Variants in CTNNA3 observed in about 807,000 individuals in gnomAD.
CTNNA3 encodes catenin alpha 3.
Under a neutral mutation model 95.7 loss-of-function variants are expected in CTNNA3, and 76 were observed. The observed-to-expected ratio is 0.79, with a 90% confidence interval of 0.66 to 0.96. The LOEUF is 0.96. Ranked by LOEUF, CTNNA3 falls within the 40% of genes least tolerant of loss-of-function variation. The pLI is 0.00. For synonymous variants in CTNNA3, 431 were observed against 374.4 expected (o/e 1.15, Z -1.74); for missense variants, 1,191 against 1,089.8 (o/e 1.09, Z -1.31).
chr10:67,571,838 G>C (rs1841990872), intron 3 of CTNNA3, among the ~76,000 whole-genome samples: 1 of 152,130 alleles, frequency 6.6e-6, no homozygotes, highest in Admixed American at 6.6e-5. Flanking sequence ...CTGAGGATCT[G>C]AATTTCTAAT....
At chr10:66,580,927 T>G (rs1307337007) in intron 10 of CTNNA3, among the ~76,000 whole-genome samples, 1 of 151,730 alleles carries the variant, frequency 6.6e-6, no homozygotes, top group South Asian at 2.1e-4. Context: ...GTCTTCGATG[T>G]CTATTATACC....
intron 7 of CTNNA3, among the ~76,000 whole-genome samples, chr10:66,981,116 C>T (rs1850412320): frequency 6.6e-6 from 1 of 152,098 alleles, no homozygotes; most frequent in Admixed American, 6.6e-5. Context: ...GTTGGTCAGG[C>T]TGGTCTCGAA....
intron 5 of CTNNA3, among the ~76,000 whole-genome samples, chr10:67,276,937 T>A (rs1043566148): frequency 2.0e-5 from 3 of 152,052 alleles, no homozygotes; most frequent in Non-Finnish European, 2.9e-5. Flanking sequence ...TTATAACATA[T>A]GTTCATCTTG....
chr10:66,073,605 T>C (rs1183201176), intron 14 of CTNNA3, among the ~76,000 whole-genome samples: 1 of 152,160 alleles, frequency 6.6e-6, no homozygotes, highest in East Asian at 1.9e-4. Context: ...CTCTTTTCTT[T>C]AGCCTATTCT....
intron 11 of CTNNA3, among the ~76,000 whole-genome samples, chr10:66,463,950 G>C (rs2093546777): frequency 6.6e-6 from 1 of 151,672 alleles, no homozygotes; most frequent in Admixed American, 6.6e-5. Flanking sequence ...GTAGGGAAGA[G>C]GAATGGATAT....
intron 6 of CTNNA3, among the ~76,000 whole-genome samples, chr10:67,182,937 A>G (rs1397294077): frequency 6.6e-6 from 1 of 152,216 alleles, no homozygotes; most frequent in Non-Finnish European, 1.5e-5. Flanking sequence ...CACATGAAAA[A>G]ATGCTCATCA....
chr10:67,387,539 G>A (rs913393460), intron 5 of CTNNA3, among the ~76,000 whole-genome samples: 4 of 152,314 alleles, frequency 2.6e-5, no homozygotes, highest in Admixed American at 6.5e-5. Flanking sequence ...CGGGAAGCTC[G>A]AACTGGGTGG....
At chr10:67,457,857 G>A (rs1847230575) in intron 5 of CTNNA3, among the ~76,000 whole-genome samples, 1 of 152,090 alleles carries the variant, frequency 6.6e-6, no homozygotes, top group African/African-American at 2.4e-5. Context: ...AGATCCTTGT[G>A]ATTACACCGG....
intron 5 of CTNNA3, among the ~76,000 whole-genome samples, chr10:67,461,342 TAGAA>T (rs1376097298): frequency 6.6e-6 from 1 of 152,110 alleles, no homozygotes; most frequent in Non-Finnish European, 1.5e-5. Context: ...TCCAAGATCT[TAGAA>T]GGATATCCCA....
At chr10:66,962,060 T>C (rs920194928) in intron 7 of CTNNA3, among the ~76,000 whole-genome samples, 14 of 152,130 alleles carry the variant, frequency 9.2e-5, no homozygotes, top group African/African-American at 2.9e-4. Context: ...CCTGTCTTGG[T>C]TTATTGAAGT....
rs573043424 is a variant in CTNNA3 at position 66,705,371 on chromosome 10, A to C, written c.1281+60893T>G. Reference sequence around the variant, plus strand: ...CATCAGGATAGTGTTAGCCTCAGAGAACGAGTTGGGAAGTAGTTTCTCTGC... The same window carrying C: ...CATCAGGATAGTGTTAGCCTCAGAGCACGAGTTGGGAAGTAGTTTCTCTGC... On this transcript the variant is annotated intron_variant, in intron 9 of 17. Transcript: ENST00000433211. Among the ~76,000 whole-genome samples the C allele has an allele frequency of 8.9e-4, 135 of 152,130 alleles. 3 individuals carry two copies. Among genetic ancestry groups the C allele is most frequent in the Admixed American group, 8.5e-4 (13 of 15,248 alleles).
At chr10:67,646,440 T>A (rs1183778626) in intron 2 of CTNNA3, among the ~76,000 whole-genome samples, 3 of 152,052 alleles carry the variant, frequency 2.0e-5, no homozygotes, top group South Asian at 4.1e-4. Context: ...CAAAGTTAAC[T>A]ATTAAGGTAT....
chr10:67,646,780 T>A (rs1042700088), intron 2 of CTNNA3, among the ~76,000 whole-genome samples: 6 of 151,992 alleles, frequency 3.9e-5, no homozygotes, highest in Admixed American at 1.3e-4. Context: ...TGACAAAAAT[T>A]TAAATCTATA....
intron 5 of CTNNA3, among the ~76,000 whole-genome samples, chr10:67,337,113 T>C (rs1374243327): frequency 6.6e-6 from 1 of 152,184 alleles, no homozygotes; most frequent in Non-Finnish European, 1.5e-5. Context: ...GTAATTCCTA[T>C]GATGGACCTG....
intron 3 of CTNNA3, among the ~76,000 whole-genome samples, chr10:67,584,009 C>T (rs1045786307): frequency 6.6e-6 from 1 of 152,152 alleles, no homozygotes; most frequent in African/African-American, 2.4e-5. Flanking sequence ...TTTGAACATC[C>T]TCCTTTAGCT....
At chr10:66,026,932 T>C (rs1264752537) in intron 15 of CTNNA3, among the ~76,000 whole-genome samples, 1 of 152,124 alleles carries the variant, frequency 6.6e-6, no homozygotes, top group East Asian at 1.9e-4. Flanking sequence ...TATTAGCATT[T>C]CTAGGGGTTA....
At chr10:66,756,322 A>G (rs1290868821) in intron 9 of CTNNA3, among the ~76,000 whole-genome samples, 1 of 152,196 alleles carries the variant, frequency 6.6e-6, no homozygotes, top group Non-Finnish European at 1.5e-5. Context: ...CGCCATATAT[A>G]ATTTCATAAA....
chr10:66,738,129 AT>A (rs1201628861), intron 9 of CTNNA3, among the ~76,000 whole-genome samples: 6 of 152,210 alleles, frequency 3.9e-5, no homozygotes, highest in Non-Finnish European at 8.8e-5. Context: ...TATTAGTTCT[AT>A]AATAGCTGTT....
chr10:66,072,971 A>G (rs1176399820), intron 14 of CTNNA3, among the ~76,000 whole-genome samples: 1 of 152,168 alleles, frequency 6.6e-6, no homozygotes, highest in South Asian at 2.1e-4. Context: ...AAATCCTGTC[A>G]TTTGTGACAA....
Sources: gnomAD v4.1 joint callset for allele counts (sites outside exome capture counted in the v4.1 genomes callset) on GRCh38, gnomAD v4.1.1 for gene constraint, MANE v1.5 for transcripts, NCBI Gene and HGNC (gene_info 2026-07-23, HGNC 2026-07-21) for gene names.